Variants in THEMIS observed in about 807,000 individuals in gnomAD.
THEMIS encodes the protein thymocyte selection associated, also known as protein THEMIS.
A neutral mutation model predicts 52.6 loss-of-function variants in THEMIS; 37 were observed. The ratio of observed to expected loss-of-function variants is 0.70; its 90% CI spans 0.54 to 0.93. THEMIS has a LOEUF of 0.93. THEMIS is among the 40% of genes least tolerant of loss of function. THEMIS has a pLI of 0.00. For synonymous variants in THEMIS, 292 were observed against 272.7 expected, an observed-to-expected ratio of 1.07 and a Z score of -0.70; for missense variants, 808 against 763.1, an observed-to-expected ratio of 1.06 and a Z score of -0.69.
chr6:127,788,737 C>A (rs1777059717), intron 4 of THEMIS, among the ~76,000 whole-genome samples: 1 of 152,116 alleles, frequency 6.6e-6, no homozygotes, highest in African/African-American at 2.4e-5. Flanking sequence ...TGTATAAATT[C>A]TACTCAGACA....
chr6:127,814,184 A>G (rs1304008031), intron 3 of THEMIS, among the ~76,000 whole-genome samples: 1 of 151,992 alleles, frequency 6.6e-6, no homozygotes, highest in Admixed American at 6.6e-5. Flanking sequence ...GCTCTAGGGA[A>G]CCTCCTCAAA....
At chr6:127,829,438 C>T (rs370493238) in intron 3 of THEMIS, 38 bp downstream of exon 3, 48 of 1,511,330 alleles carry the variant, frequency 3.2e-5, no homozygotes, top group Admixed American at 4.1e-5. Context: ...CCCCATAATG[C>T]TCATGCTCAT....
At chr6:127,787,182 A>C (rs901899264) in intron 4 of THEMIS, among the ~76,000 whole-genome samples, 2 of 152,158 alleles carry the variant, frequency 1.3e-5, no homozygotes, top group Non-Finnish European at 2.9e-5. Flanking sequence ...ACAGGAAGCA[A>C]GATATAGGGT....
chr6:127,826,213 C>G (rs1778501235), intron 3 of THEMIS, among the ~76,000 whole-genome samples: 1 of 152,024 alleles, frequency 6.6e-6, no homozygotes, highest in Non-Finnish European at 1.5e-5. Context: ...GAAAATTTGG[C>G]CCTCGTGTCA....
chr6:127,788,048 A>C (rs534778520), intron 4 of THEMIS, among the ~76,000 whole-genome samples: 2 of 152,258 alleles, frequency 1.3e-5, no homozygotes, highest in South Asian at 4.1e-4. Context: ...ACAAGAGTTG[A>C]GTATACCACC....
At chr6:127,805,619 T>C (rs957418171) in intron 4 of THEMIS, among the ~76,000 whole-genome samples, 6 of 152,114 alleles carry the variant, frequency 3.9e-5, no homozygotes, top group Admixed American at 3.3e-4. Context: ...TTGCATTCTT[T>C]CATAGCCATC....
At chr6:127,711,157 A>G (rs1378740651) in intron 5 of THEMIS, among the ~76,000 whole-genome samples, 4 of 151,746 alleles carry the variant, frequency 2.6e-5, no homozygotes, top group Non-Finnish European at 4.4e-5. Flanking sequence ...ACTTTAGGTT[A>G]CTAACCTTTA....
At chr6:127,775,843 A>G (rs1776549742) in intron 4 of THEMIS, among the ~76,000 whole-genome samples, 1 of 151,858 alleles carries the variant, frequency 6.6e-6, no homozygotes. Context: ...TTAATCATTT[A>G]TTTGTCTTAT....
chr6:127,730,168 G>A (rs376002574), intron 4 of THEMIS, among the ~76,000 whole-genome samples: 109 of 152,022 alleles, frequency 7.2e-4, no homozygotes, highest in African/African-American at 2.5e-3. Flanking sequence ...TCAGGAAGCT[G>A]AGGCTGGAGG....
At chr6:127,912,438 G>A (rs372718285) in intron 1 of THEMIS, among the ~76,000 whole-genome samples, 20 of 152,284 alleles carry the variant, frequency 1.3e-4, no homozygotes, top group African/African-American at 4.3e-4. Flanking sequence ...CCTCCAAGCT[G>A]TCCTTGTTCA....
At chr6:127,772,851 G>A (rs1019698953) in intron 4 of THEMIS, among the ~76,000 whole-genome samples, 1 of 152,132 alleles carries the variant, frequency 6.6e-6, no homozygotes, top group South Asian at 2.1e-4. Flanking sequence ...TTTTGAGGGC[G>A]TTTGGGGGCA....
chr6:127,910,878 C>T (rs9385443), intron 1 of THEMIS, among the ~76,000 whole-genome samples: 5,953 of 152,108 alleles, frequency 0.039, 661 homozygotes, highest in East Asian at 0.37. Flanking sequence ...CAGGATACCC[C>T]ATTGCCTTTG....
At chr6:127,739,238 T>G (rs902471039) in intron 4 of THEMIS, among the ~76,000 whole-genome samples, 4 of 152,162 alleles carry the variant, frequency 2.6e-5, no homozygotes, top group Non-Finnish European at 5.9e-5. Flanking sequence ...ATTTGGGAAC[T>G]AGGTCAGAAA....
At chr6:127,769,781 C>T (rs774700284) in intron 4 of THEMIS, among the ~76,000 whole-genome samples, 6 of 152,146 alleles carry the variant, frequency 3.9e-5, no homozygotes, top group Non-Finnish European at 5.9e-5. Flanking sequence ...CCTCCCCCAT[C>T]CTCCAACCCC....
chr6:127,877,795 A>G (rs1780358612), intron 1 of THEMIS, among the ~76,000 whole-genome samples: 2 of 152,240 alleles, frequency 1.3e-5, no homozygotes, highest in Admixed American at 6.5e-5. Context: ...ACATTGGTGG[A>G]AAATGGTGCC....
chr6:127,713,925 G>A (rs868363750), intron 5 of THEMIS, among the ~76,000 whole-genome samples: 3 of 151,778 alleles, frequency 2.0e-5, no homozygotes, highest in Middle Eastern at 3.2e-3. Context: ...CCATGTGTAC[G>A]AGCAAATAGA....
intron 1 of THEMIS, among the ~76,000 whole-genome samples, chr6:127,866,981 T>TTTA (rs1225063709): frequency 1.0e-4 from 9 of 86,962 alleles, no homozygotes; most frequent in African/African-American, 1.9e-4. Flanking sequence ...TTATTTATTT[T>TTTA]TTACTTTTGA....
intron 2 of THEMIS, among the ~76,000 whole-genome samples, chr6:127,850,732 C>T (rs1015134748): frequency 5.9e-5 from 9 of 151,372 alleles, no homozygotes; most frequent in Non-Finnish European, 7.4e-5. Flanking sequence ...GGGGACTTAG[C>T]GGGGAAGGTT....
chr6:127,839,576 C>G (rs1778978081), intron 2 of THEMIS, among the ~76,000 whole-genome samples: 1 of 151,922 alleles, frequency 6.6e-6, no homozygotes, highest in Non-Finnish European at 1.5e-5. Flanking sequence ...AGTCACAGAT[C>G]ACTGCGGCCT....
Sources: gnomAD v4.1 joint callset for allele counts (sites outside exome capture counted in the v4.1 genomes callset) on GRCh38, gnomAD v4.1.1 for gene constraint, MANE v1.5 for transcripts, NCBI Gene and HGNC (gene_info 2026-07-23, HGNC 2026-07-21) for gene names.